The following RPH3A variants were observed in gnomAD, a reference collection of about 807,000 sequenced individuals.
The protein encoded by RPH3A is rabphilin 3A.
A neutral mutation model predicts 102.2 loss-of-function variants in RPH3A; 48 were observed. The ratio of observed to expected loss-of-function variants is 0.47; its 90% CI spans 0.37 to 0.60. The LOEUF is 0.60. RPH3A is among the 20% of genes least tolerant of loss of function. RPH3A has a pLI of 0.00. For synonymous variants in RPH3A, 310 were observed against 324.3 expected (o/e 0.96, Z 0.47); for missense variants, 781 against 910.1 (o/e 0.86, Z 1.83).
chr12:112,772,275 T>G (rs937769810), intron 1 of RPH3A, among the ~76,000 whole-genome samples: 1 of 117,352 alleles, frequency 8.5e-6, no homozygotes, highest in Non-Finnish European at 1.8e-5. Context: ...GCCTCAGGGA[T>G]GAGTTGCTGA....
At chr12:112,892,236 A>G (rs1253464051) in intron 19 of RPH3A, among the ~76,000 whole-genome samples, 1 of 152,182 alleles carries the variant, frequency 6.6e-6, no homozygotes, top group Non-Finnish European at 1.5e-5. Context: ...CAGTGTGCTC[A>G]TCTGCAAAAT....
rs528639982 is a variant in RPH3A, at chr12:112,880,258, T to G, written c.1251+1060T>G. Reference sequence around the variant, plus strand: ...TTTATTGGGCACCTAGAATATATCATCATTTATTGGGCACCAAGTATGTAT... The same window carrying G: ...TTTATTGGGCACCTAGAATATATCAGCATTTATTGGGCACCAAGTATGTAT... On this transcript the variant is annotated intron_variant, in intron 14 of 21. Coordinates refer to ENST00000389385, the MANE Select transcript of RPH3A (RefSeq NM_001143854.2). 2.0e-5 allele frequency among the ~76,000 whole-genome samples: 3 copies of G among 152,304 alleles called. No homozygotes were observed. The East Asian group carries it at 5.8e-4, about 29-fold the overall frequency.
intron 1 of RPH3A, among the ~76,000 whole-genome samples, chr12:112,732,701 G>A (rs532327580): frequency 3.3e-5 from 5 of 152,158 alleles, no homozygotes; most frequent in Non-Finnish European, 7.3e-5. Flanking sequence ...AATGGCCCTC[G>A]AGAGGTGTCC....
In RPH3A at chr12:112,638,227, A is replaced by G. The variant is rs549691229; in HGVS notation, c.-140+62908A>G. 2.0e-5 allele frequency among the ~76,000 whole-genome samples: 3 copies of G among 152,268 alleles called. No homozygotes were observed. In the South Asian group the frequency reaches 6.2e-4, roughly 32 times the overall value. ...CGCCAGCTCCCCTTTGCCTTCTACC[A>G]TGAGTGGAAACAACCTGAGGCTTTC... On this transcript the variant is annotated intron_variant, in intron 1 of 21. Coordinates refer to the RPH3A transcript ENST00000543106.
intron 1 of RPH3A, among the ~76,000 whole-genome samples, chr12:112,621,568 G>A (rs111804688): frequency 0.2 from 26,331 of 133,768 alleles, 3,117 homozygotes; most frequent in East Asian, 0.56. Flanking sequence ...CGCCCACGGA[G>A]TCTCTCTGAT....
At chr12:112,798,667 C>T (rs901679054) in intron 2 of RPH3A, among the ~76,000 whole-genome samples, 4 of 152,096 alleles carry the variant, frequency 2.6e-5, no homozygotes, top group African/African-American at 9.7e-5. Flanking sequence ...TTCCCCTTTC[C>T]GTCTCTGCCT....
chr12:112,853,842 C>G (rs1388166456), intron 5 of RPH3A, among the ~76,000 whole-genome samples: 2 of 151,604 alleles, frequency 1.3e-5, no homozygotes, highest in Non-Finnish European at 2.9e-5. Context: ...AAAAAAAGAT[C>G]AAAATAGAAG....
At chr12:112,887,255 T>G (rs2043016642) in intron 16 of RPH3A, among the ~76,000 whole-genome samples, 1 of 152,214 alleles carries the variant, frequency 6.6e-6, no homozygotes, top group African/African-American at 2.4e-5. Flanking sequence ...ACAACCTGTA[T>G]CAACAGCAGA....
chr12:112,598,223 A>G (rs1327281944), intron 1 of RPH3A, among the ~76,000 whole-genome samples: 1 of 152,230 alleles, frequency 6.6e-6, no homozygotes. Flanking sequence ...CACATCAGTC[A>G]TCCATCAGTT....
rs796131560 is a variant in RPH3A at position 112,870,310 on chromosome 12, C to A, written c.796+271C>A. 4.3e-3 allele frequency among the ~76,000 whole-genome samples: 451 copies of A among 105,468 alleles called. 4 individuals carry two copies. Among genetic ancestry groups the A allele is most frequent in the African/African-American group, 0.013 (380 of 28,640 alleles). The allele number at this position is 105,468 out of a possible 152,430, so 69.2% of individuals were successfully genotyped here. On this transcript the variant is annotated intron_variant, in intron 10 of 21. Coordinates refer to ENST00000389385, the MANE Select transcript of RPH3A (RefSeq NM_001143854.2). ...AGCATGATTTTTTTTCTCCCCGCCT[C>A]AAAAAAAAAAAAAAAAAAACCCTGG...
chr12:112,732,087 G>T (rs1248540272), intron 1 of RPH3A, among the ~76,000 whole-genome samples: 1 of 152,144 alleles, frequency 6.6e-6, no homozygotes, highest in African/African-American at 2.4e-5. Context: ...CCTTTCTGAT[G>T]ATCTAATCGC....
intron 1 of RPH3A, among the ~76,000 whole-genome samples, chr12:112,581,960 C>A (rs1465596407): frequency 1.4e-5 from 2 of 147,792 alleles, no homozygotes; most frequent in African/African-American, 5.0e-5. Flanking sequence ...TTCCTTGACA[C>A]ACCTACCAAC....
intron 1 of RPH3A, among the ~76,000 whole-genome samples, chr12:112,686,353 C>T (rs778241542): frequency 1.3e-5 from 2 of 152,174 alleles, no homozygotes; most frequent in Non-Finnish European, 2.9e-5. Context: ...CCTTGCAATG[C>T]CTTATACCCC....
At position 112,858,544 on chromosome 12, in the gene RPH3A, G is replaced by A. The variant is rs369816191; in HGVS notation, c.231-6870G>A. ...CTGACTGTTCCTGTCTCTCTCTTGT[G>A]AGTTCTCATAGCTGCTCATACTTGT... is the stretch of plus-strand genomic sequence containing the variant. On this transcript the variant is annotated intron_variant, in intron 5 of 21. Transcript: ENST00000389385. Among the ~76,000 whole-genome samples, 44 of 152,272 alleles carry A rather than the reference G, an allele frequency of 2.9e-4. 1 individual carries two copies. Among genetic ancestry groups the A allele is most frequent in the South Asian group, 2.3e-3 (11 of 4,830 alleles).
chr12:112,663,663 A>C (rs1006746790), intron 1 of RPH3A, among the ~76,000 whole-genome samples: 2 of 151,980 alleles, frequency 1.3e-5, no homozygotes, highest in East Asian at 3.9e-4. Context: ...GGCCCCATAA[A>C]TTCTTATTTA....
At chr12:112,822,041 C>T (rs554198493) in intron 2 of RPH3A, among the ~76,000 whole-genome samples, 4 of 151,942 alleles carry the variant, frequency 2.6e-5, no homozygotes, top group South Asian at 2.1e-4. Flanking sequence ...CATGGACACT[C>T]GTGCTTCCCC....
At position 112,887,780 on chromosome 12, in the gene RPH3A, C is replaced by A. The variant is rs768725358; in HGVS notation, c.1437-17C>A. On this transcript the variant is annotated splice_polypyrimidine_tract_variant and intron_variant, in intron 16 of 21. Coordinates refer to ENST00000389385, the MANE Select transcript of RPH3A (RefSeq NM_001143854.2). The stretch of plus-strand genomic sequence containing the variant: ...TTTGTTCCTGTTTCTCTCTCTACCC[C>A]CTTGTGTTGGTGGCAGGATCTCCGT... 2.5e-6 allele frequency: 4 copies of A among 1,612,266 alleles called. No individual in the cohort carries two copies. Among genetic ancestry groups the A allele is most frequent in the Non-Finnish European group, 3.4e-6 (4 of 1,178,946 alleles).
chr12:112,850,564 G>T (rs1361280351), intron 5 of RPH3A, among the ~76,000 whole-genome samples: 1 of 152,218 alleles, frequency 6.6e-6, no homozygotes, highest in Non-Finnish European at 1.5e-5. Context: ...AGTCCCGGAA[G>T]ATTCTGGCTG....
intron 1 of RPH3A, among the ~76,000 whole-genome samples, chr12:112,666,465 CTGAAACTTCTCATG>C (rs1377449419): frequency 6.6e-6 from 1 of 152,064 alleles, no homozygotes; most frequent in African/African-American, 2.4e-5. Flanking sequence ...TGGGCTTCAC[CTGAAACTTCTCATG>C]TTTAACTGCT....
Sources: allele counts gnomAD v4.1 joint callset (sites outside exome capture counted in the v4.1 genomes callset), GRCh38; gene constraint gnomAD v4.1.1; transcripts MANE v1.5; gene names NCBI Gene and HGNC (gene_info 2026-07-23, HGNC 2026-07-21).